Variants in KDM2B observed in about 807,000 individuals in gnomAD.
KDM2B encodes the protein lysine-specific demethylase 2B.
A neutral mutation model predicts 150.0 loss-of-function variants in KDM2B; 26 were observed. That is an observed-to-expected ratio of 0.17 (90% confidence interval 0.13 to 0.24). The LOEUF (loss-of-function observed/expected upper bound fraction) is 0.24, where lower values mean the gene tolerates loss of function less well. Ranked by LOEUF, KDM2B falls within the 10% of genes least tolerant of loss-of-function variation. The pLI, the probability that KDM2B is intolerant of heterozygous loss-of-function variation, is 1.00. For synonymous variants in KDM2B, 734 were observed against 729.5 expected, an observed-to-expected ratio of 1.01 and a Z score of -0.10; for missense variants, 1,265 against 1,816.9, an observed-to-expected ratio of 0.70 and a Z score of 5.52.
At chr12:121,580,641 G>A (rs1004357319) in intron 1 of KDM2B, 145 bp downstream of exon 1, 2 of 1,296,624 alleles carry the variant, frequency 1.5e-6, no homozygotes, top group African/African-American at 3.0e-5. Context: ...TCAGCGGGAG[G>A]CGCGGAAATG....
Position 121,509,552 on chromosome 12 carries a change from G to T in KDM2B, c.1647+15C>A, listed in dbSNP as rs780596568. On this transcript the variant is annotated intron_variant, in intron 11 of 22. Transcript: ENST00000377071. Reference sequence around the variant, plus strand: ...CCTCCTCGGCCGCCCAGCCCCAGACGCCACTCCTGCCCACCTTCACACCCT... The same window carrying T: ...CCTCCTCGGCCGCCCAGCCCCAGACTCCACTCCTGCCCACCTTCACACCCT... 22 of 1,607,000 alleles carry T rather than the reference G, an allele frequency of 1.4e-5. No individual in the cohort carries two copies. The highest frequency in any genetic ancestry group is 1.6e-5 in the Non-Finnish European group (19 of 1,176,984).
At chr12:121,450,216 A>AG (rs1422290486) in intron 13 of KDM2B, among the ~76,000 whole-genome samples, 1 of 151,918 alleles carries the variant, frequency 6.6e-6, no homozygotes. Flanking sequence ...TGGGAGGCTG[A>AG]GGTAGGATAA....
intron 13 of KDM2B, among the ~76,000 whole-genome samples, chr12:121,450,581 C>T (rs1447964394): frequency 6.6e-6 from 1 of 152,138 alleles, no homozygotes; most frequent in Non-Finnish European, 1.5e-5. Context: ...GAACCTTCAT[C>T]GGGTGCGGTG....
intron 4 of KDM2B, among the ~76,000 whole-genome samples, chr12:121,567,937 C>A (rs1371943951): frequency 6.6e-6 from 1 of 151,918 alleles, no homozygotes; most frequent in Non-Finnish European, 1.5e-5. Flanking sequence ...CCATGTTGGC[C>A]AGGCTGATCT....
intron 12 of KDM2B, among the ~76,000 whole-genome samples, chr12:121,486,474 C>T (rs1329409867): frequency 6.6e-6 from 1 of 151,376 alleles, no homozygotes; most frequent in Non-Finnish European, 1.5e-5. Flanking sequence ...CCACTGCGCC[C>T]GGCATTTTAC....
intron 12 of KDM2B, among the ~76,000 whole-genome samples, chr12:121,482,059 G>A (rs1566320900): frequency 6.6e-6 from 1 of 152,168 alleles, no homozygotes; most frequent in Non-Finnish European, 1.5e-5. Flanking sequence ...GGGATTACAG[G>A]CATGAGCCAC....
intron 22 of KDM2B, 125 bp downstream of exon 22, chr12:121,439,732 C>T (rs1000637822): frequency 2.8e-6 from 2 of 724,822 alleles, no homozygotes; most frequent in Non-Finnish European, 4.8e-6. Context: ...CTGTCTGTCT[C>T]AGTAAACGAG....
the KDM2B span, chr12:121,416,130 T>C: frequency 4.4e-6 from 7 of 1,594,580 alleles, no homozygotes; most frequent in African/African-American, 4.0e-5. Flanking sequence ...CACTTAGCTT[T>C]AAACTGTGGG....
chr12:121,524,479 A>T (rs1310264990), intron 8 of KDM2B, among the ~76,000 whole-genome samples: 1 of 152,168 alleles, frequency 6.6e-6, no homozygotes, highest in Non-Finnish European at 1.5e-5. Context: ...GCACGCCCAG[A>T]CACTCGAGGG....
Position 121,513,198 on chromosome 12 carries a change from G to A in KDM2B, c.1174+78C>T. On this transcript the variant is annotated intron_variant, in intron 10 of 22. Transcript: ENST00000377071. The surrounding 1 kb of genome is among the most constrained non-coding windows in gnomAD (Gnocchi z 5.0). ...AACGAATCCCCAAAACTCAGGGAGT[G>A]TCTCCAGGCCCCACTGAGAAAATGA... The A allele has an allele frequency of 2.6e-6, 4 of 1,532,144 alleles. No homozygotes were observed. Among genetic ancestry groups the A allele is most frequent in the Non-Finnish European group, 3.6e-6 (4 of 1,116,284 alleles). The allele number at this position is 1,532,144 out of a possible 1,614,324, so 94.9% of individuals were successfully genotyped here.
chr12:121,579,110 G>A, intron 1 of KDM2B, 164 bp from the exon 2 acceptor site: 1 of 749,474 alleles, frequency 1.3e-6, no homozygotes, highest in Non-Finnish European at 2.1e-6. Flanking sequence ...TGAAAAGCAG[G>A]ACAAGGAGAG....
intron 11 of KDM2B, 108 bp downstream of exon 11, chr12:121,509,459 C>T (rs1387568595): frequency 1.7e-5 from 26 of 1,510,000 alleles, no homozygotes; most frequent in Non-Finnish European, 2.2e-5. Flanking sequence ...CCCGAATGCT[C>T]AGAGCAATCT....
At chr12:121,501,266 C>A (rs1380650915) in intron 11 of KDM2B, among the ~76,000 whole-genome samples, 1 of 152,092 alleles carries the variant, frequency 6.6e-6, no homozygotes, top group African/African-American at 2.4e-5. Flanking sequence ...GCAATCCCAG[C>A]TACTTGGGAG....
chr12:121,430,360 C>G lies in KDM2B; in HGVS notation c.3939G>C (p.Gln1313His). Residue 1313 changes from glutamine (Q) to histidine (H), a missense_variant, in exon 23 of 23, where the codon CAG becomes CAC. Gln to His is a conservative substitution (Grantham distance 24). Transcript: ENST00000377071. This position sits in a 1 kb window ranked among gnomAD's most constrained non-coding sequence, Gnocchi z 4.4. ...CKQVTKEGCE[Q>H]FIAEMSVSVQ... ...CACTCACAGACATCTCGGCTATGAA[C>G]TGCTCACAGCCTTCCTTGGTGACTT... The G allele has an allele frequency of 6.2e-7, 1 of 1,614,176 alleles. No individual in the cohort carries two copies. The highest frequency in any genetic ancestry group is 8.5e-7 in the Non-Finnish European group (1 of 1,180,024).
At chr12:121,509,115 G>A (rs1175038306) in intron 11 of KDM2B, among the ~76,000 whole-genome samples, 1 of 152,184 alleles carries the variant, frequency 6.6e-6, no homozygotes, top group Non-Finnish European at 1.5e-5. Flanking sequence ...CTGGAGTGCA[G>A]TGGTGCGATC....
At chr12:121,464,857 C>A (rs991950661) in intron 12 of KDM2B, among the ~76,000 whole-genome samples, 1 of 152,130 alleles carries the variant, frequency 6.6e-6, no homozygotes, top group Non-Finnish European at 1.5e-5. Context: ...CTCCAGAGAC[C>A]CTCGCTGTGC....
intron 12 of KDM2B, chr12:121,494,094 G>C (rs2140346347): frequency 6.4e-6 from 1 of 155,212 alleles, no homozygotes; most frequent in Admixed American, 6.4e-5. Flanking sequence ...CTGACCTCAG[G>C]TGATCCACCC....
At chr12:121,567,132 C>T (rs1348770896) in intron 4 of KDM2B, among the ~76,000 whole-genome samples, 1 of 152,134 alleles carries the variant, frequency 6.6e-6, no homozygotes, top group Non-Finnish European at 1.5e-5. Flanking sequence ...GGTAATCCAC[C>T]CACCTCAGCC....
intron 11 of KDM2B, among the ~76,000 whole-genome samples, chr12:121,508,001 A>G (rs1885245249): frequency 6.6e-6 from 1 of 152,050 alleles, no homozygotes; most frequent in Middle Eastern, 3.2e-3. Flanking sequence ...ACAGAGTAAC[A>G]CCCTGTCTGT....
Sources: gnomAD v4.1 joint callset for allele counts (sites outside exome capture counted in the v4.1 genomes callset) on GRCh38, gnomAD v4.1.1 for gene constraint, Gnocchi (gnomAD v3.1) non-coding constraint, MANE v1.5 for transcripts, NCBI Gene and HGNC (gene_info 2026-07-23, HGNC 2026-07-21) for gene names.